The following SLU7 variants were observed in gnomAD, a reference collection of about 807,000 sequenced individuals.
SLU7 encodes the protein spliceosome associated SLU7.
Under a neutral mutation model 87.0 loss-of-function variants are expected in SLU7, and 60 were observed. The ratio of observed to expected loss-of-function variants is 0.69; its 90% CI spans 0.56 to 0.86. The LOEUF (loss-of-function observed/expected upper bound fraction) is 0.86, where lower values mean the gene tolerates loss of function less well. SLU7 is among the 40% of genes least tolerant of loss of function. The probability of loss-of-function intolerance (pLI) is 0.00; values close to 1 mark genes in which losing one functional copy is unlikely to be tolerated. For synonymous variants in SLU7, 197 were observed against 222.0 expected (o/e 0.89, Z 1.00); for missense variants, 507 against 686.6 (o/e 0.74, Z 2.92).
chr5:160,403,383 T>A lies in SLU7; in HGVS notation c.1663A>T (p.Met555Leu). The change falls in exon 16 of 16, where the codon ATG becomes TTG. Residue 555 changes from methionine (M) to leucine (L), a missense_variant. Met to Leu is a conservative substitution (Grantham distance 15, BLOSUM62 2). This residue lies in a region of SLU7 where 201 missense variants were observed against 213.4 expected (regional missense o/e 0.94). Coordinates refer to ENST00000297151, the MANE Select transcript of SLU7 (RefSeq NM_006425.5). ...IDERKRPYNS[M>L]YETREPTEEE... ...TCAGTAGGTTCTCGAGTTTCATACA[T>A]GCTATTGTAAGGCCGCTTCCTCTCA... 4 of 1,613,488 alleles carry A rather than the reference T, an allele frequency of 2.5e-6. No homozygotes were observed. The East Asian group carries it at 8.9e-5, about 36-fold the overall frequency.
At chr5:160,410,622 AC>A (rs1765191832) in intron 6 of SLU7, among the ~76,000 whole-genome samples, 1 of 152,054 alleles carries the variant, frequency 6.6e-6, no homozygotes, top group South Asian at 2.1e-4. Flanking sequence ...CCCCTTACAT[AC>A]ATTAAGTATC....
At chr5:160,412,670 T>C in intron 5 of SLU7, 151 bp from the exon 6 acceptor site, 2 of 583,942 alleles carry the variant, frequency 3.4e-6, no homozygotes, top group Non-Finnish European at 5.9e-6. Flanking sequence ...CAAACCTATC[T>C]CTTTGGGATT....
Position 160,402,352 on chromosome 5 carries a change from AATG to A in SLU7, c.*930_*932del, listed in dbSNP as rs1764817137. The A allele has an allele frequency of 6.6e-6, 1 of 152,186 alleles. No homozygotes were observed. The highest frequency in any genetic ancestry group is 1.5e-5 in the Non-Finnish European group (1 of 68,032). 9.4% of individuals were successfully genotyped at this position (152,186 alleles called of 1,614,324 possible). A position where few individuals can be genotyped will look rare whatever the true frequency, so the allele number is the denominator to read the frequency against. The stretch of plus-strand genomic sequence containing the variant: ...ACTACTGATCAGTCAATATTGACCC[AATG>A]ATGAGAAAATAGTTGTTTTCCATTC... On this transcript the variant is annotated 3_prime_UTR_variant, in exon 16 of 16. Transcript: ENST00000297151.
At chr5:160,415,904 TTTTTTA>T (rs1765434239) in intron 1 of SLU7, among the ~76,000 whole-genome samples, 1 of 152,156 alleles carries the variant, frequency 6.6e-6, no homozygotes, top group African/African-American at 2.4e-5. Flanking sequence ...TTTTTCTTTT[TTTTTTA>T]GAGACAGAGT....
chr5:160,404,240 C>T (rs1427745346), intron 15 of SLU7, among the ~76,000 whole-genome samples, 200 bp downstream of exon 15: 2 of 152,158 alleles, frequency 1.3e-5, no homozygotes, highest in Non-Finnish European at 2.9e-5. Context: ...GGGCATGTGC[C>T]TGTAATACCG....
chr5:160,414,908 CA>C (rs1463176241), intron 2 of SLU7, among the ~76,000 whole-genome samples: 4 of 151,976 alleles, frequency 2.6e-5, no homozygotes, highest in Non-Finnish European at 5.9e-5. Flanking sequence ...TAGAGCAGGC[CA>C]GGGGTGGGAA....
intron 1 of SLU7, among the ~76,000 whole-genome samples, chr5:160,417,741 G>A (rs1309230301): frequency 1.5e-5 from 2 of 136,054 alleles, no homozygotes; most frequent in African/African-American, 5.4e-5. Flanking sequence ...GCAGTGAGCT[G>A]ATATTGCGTC....
At chr5:160,414,831 A>T (rs1231930372) in intron 2 of SLU7, among the ~76,000 whole-genome samples, 2 of 152,192 alleles carry the variant, frequency 1.3e-5, no homozygotes, top group African/African-American at 2.4e-5. Context: ...AGGTATTATT[A>T]TCTAGAGATG....
intron 11 of SLU7, 92 bp from the exon 12 acceptor site, chr5:160,406,721 G>A: frequency 1.9e-6 from 2 of 1,062,816 alleles, no homozygotes; most frequent in Non-Finnish European, 2.7e-6. Flanking sequence ...AGAAAGAAAG[G>A]GAACATTCTT....
At chr5:160,413,390 G>A (rs1765319360) in intron 5 of SLU7, 66 bp downstream of exon 5, 2 of 1,415,008 alleles carry the variant, frequency 1.4e-6, no homozygotes, top group African/African-American at 1.4e-5. Context: ...GAAAAGTAGA[G>A]CTGCTAGAGA....
chr5:160,415,869 T>C (rs746812135), intron 1 of SLU7, among the ~76,000 whole-genome samples: 5 of 152,144 alleles, frequency 3.3e-5, no homozygotes, highest in Non-Finnish European at 5.9e-5. Context: ...TTGACTTCCC[T>C]GACACTACAT....
intron 6 of SLU7, among the ~76,000 whole-genome samples, chr5:160,408,914 CTT>C (rs1220908903): frequency 2.0e-5 from 3 of 147,314 alleles, no homozygotes; most frequent in South Asian, 4.2e-4. Context: ...GATAATAAAA[CTT>C]AATTCTAACT....
intron 12 of SLU7, among the ~76,000 whole-genome samples, 189 bp from the exon 13 acceptor site, chr5:160,405,324 C>T (rs1010937181): frequency 6.6e-6 from 1 of 152,156 alleles, no homozygotes; most frequent in Non-Finnish European, 1.5e-5. Context: ...CCTGTAGTTA[C>T]AAAACTCTTA....
At chr5:160,414,955 C>T (rs1765390510) in intron 2 of SLU7, among the ~76,000 whole-genome samples, 170 bp downstream of exon 2, 1 of 152,138 alleles carries the variant, frequency 6.6e-6, no homozygotes, top group South Asian at 2.1e-4. Flanking sequence ...ATTATAAGCC[C>T]TTCAACATAA....
In SLU7 at chr5:160,408,714, G is replaced by A; in HGVS notation, c.640-17C>T. ...TGGAGAATTCTGCATCATGAAAGAA[G>A]AAAAATCATTCATAATCTCATTCCA... On this transcript the variant is annotated splice_polypyrimidine_tract_variant and intron_variant, in intron 6 of 15. Coordinates refer to ENST00000297151, the MANE Select transcript of SLU7 (RefSeq NM_006425.5). 1 of 1,467,918 alleles carries A rather than the reference G, an allele frequency of 6.8e-7. No individual in the cohort carries two copies. Among genetic ancestry groups the A allele is most frequent in the Non-Finnish European group, 9.3e-7 (1 of 1,077,604 alleles). 90.9% of individuals were successfully genotyped at this position (1,467,918 alleles called of 1,614,324 possible).
intron 11 of SLU7, 134 bp from the exon 12 acceptor site, chr5:160,406,763 A>G: frequency 1.4e-6 from 1 of 699,112 alleles, no homozygotes. Flanking sequence ...GCACAGTAGG[A>G]AAAAAAAAGC....
chr5:160,414,321 C>T lies in SLU7; in HGVS notation c.322G>A (p.Glu108Lys). ...ATGTATACAGGTTGCCTACATACCTCTTTTACACCCCTCTTGTACCATTCT... is the reference window on the plus strand; with the variant it reads ...ATGTATACAGGTTGCCTACATACCTTTTTTACACCCCTCTTGTACCATTCT... Reference protein sequence around the residue: ...SGEWYKRGVKENSIITKYRKG... With the variant: ...SGEWYKRGVKKNSIITKYRKG... The change falls in exon 3 of 16, where the codon GAG (glutamate) becomes AAG (lysine). Residue 108 changes from glutamate (E) to lysine (K), a missense_variant and splice_region_variant. By Grantham distance (56) the Glu-to-Lys change is moderately conservative. Around this residue, in one of 6 missense-constraint regions of SLU7, gnomAD observed 155 missense variants for 154.4 expected, o/e 1.00. Coordinates refer to ENST00000297151, the MANE Select transcript of SLU7 (RefSeq NM_006425.5). The T allele has an allele frequency of 3.1e-6, 5 of 1,599,630 alleles. No individual in the cohort carries two copies. Among genetic ancestry groups the T allele is most frequent in the South Asian group, 2.3e-5 (2 of 88,348 alleles).
chr5:160,414,064 G>A lies in SLU7; in HGVS notation c.325-85C>T, dbSNP rs576585007. On this transcript the variant is annotated intron_variant, in intron 3 of 15. Transcript: ENST00000297151. ...TGACTCTCATTACTATTTTGTCTAGGGAAATGATTTCTTTGTTAAAAGGAA... is the reference window on the plus strand; with the variant it reads ...TGACTCTCATTACTATTTTGTCTAGAGAAATGATTTCTTTGTTAAAAGGAA... 5.8e-4 allele frequency: 507 copies of A among 873,966 alleles called. 4 individuals are homozygous for A. The East Asian group carries it at 0.014, about 25-fold the overall frequency. The allele number at this position is 873,966 out of a possible 1,614,324, so 54.1% of individuals were successfully genotyped here.
At chr5:160,404,231 G>C (rs927861565) in intron 15 of SLU7, among the ~76,000 whole-genome samples, 13 of 152,174 alleles carry the variant, frequency 8.5e-5, no homozygotes, top group African/African-American at 2.7e-4. Context: ...TGCACATGGG[G>C]GCATGTGCCT....
Sources: gnomAD v4.1 joint callset for allele counts (sites outside exome capture counted in the v4.1 genomes callset) on GRCh38, gnomAD v4.1.1 for gene constraint, gnomAD v4.1.1 regional missense constraint, MANE v1.5 for transcripts, NCBI Gene and HGNC (gene_info 2026-07-23, HGNC 2026-07-21) for gene names.